Variants in TOPBP1 observed in about 807,000 individuals in gnomAD.
The protein encoded by TOPBP1 is DNA topoisomerase 2-binding protein 1.
In TOPBP1, 28 loss-of-function variants were observed where a neutral mutation model predicts 167.7. The ratio of observed to expected loss-of-function variants is 0.17; its 90% CI spans 0.12 to 0.23. The LOEUF (loss-of-function observed/expected upper bound fraction) is 0.23. Ranked by LOEUF, TOPBP1 falls within the 10% of genes least tolerant of loss-of-function variation. The pLI, the probability that TOPBP1 is intolerant of heterozygous loss-of-function variation, is 1.00. For missense variants in TOPBP1, 1,554 were observed against 1,809.6 expected, an observed-to-expected ratio of 0.86 and a Z score of 2.56; for synonymous variants, 598 against 611.4, an observed-to-expected ratio of 0.98 and a Z score of 0.32.
intron 27 of TOPBP1, among the ~76,000 whole-genome samples, chr3:133,607,789 A>C (rs1419825762): frequency 6.6e-6 from 1 of 152,216 alleles, no homozygotes; most frequent in African/African-American, 2.4e-5. Context: ...GTTGAGTGAA[A>C]ACCTTAGATA....
chr3:133,636,361 G>A (rs1381279647), intron 14 of TOPBP1, among the ~76,000 whole-genome samples: 1 of 150,966 alleles, frequency 6.6e-6, no homozygotes, highest in African/African-American at 2.4e-5. Context: ...TTTAAGTAAA[G>A]AATTCAACAT....
chr3:133,608,810 C>A, intron 26 of TOPBP1, 63 bp downstream of exon 26: 1 of 1,571,636 alleles, frequency 6.4e-7, no homozygotes, highest in Non-Finnish European at 8.6e-7. Flanking sequence ...AAGAACTCAT[C>A]ATAGCAATCT....
intron 16 of TOPBP1, among the ~76,000 whole-genome samples, chr3:133,625,994 C>G (rs2107791260): frequency 6.6e-6 from 1 of 152,236 alleles, no homozygotes; most frequent in South Asian, 2.1e-4. Flanking sequence ...ATATGGAAAC[C>G]ATGAGTTTCA....
Position 133,601,311 on chromosome 3 carries a change from A to G in TOPBP1, c.4508T>C (p.Leu1503Ser). ...TGTAGGAGCTTTCCTCTTTTGTGAT[A>G]ATCCAGTCCCAAGTTCCTTATTATT... ...IQNNKELGTG[L>S]SQKRKAPTEK... The change falls in exon 28 of 28, where the codon TTA becomes TCA. Residue 1503 changes from leucine to serine, a missense_variant. Coordinates refer to ENST00000260810, the MANE Select transcript of TOPBP1 (RefSeq NM_007027.4). 1 of 1,606,614 alleles carries G rather than the reference A, an allele frequency of 6.2e-7. No individual in the cohort carries two copies. Among genetic ancestry groups the G allele is most frequent in the Non-Finnish European group, 8.5e-7 (1 of 1,176,886 alleles).
intron 8 of TOPBP1, among the ~76,000 whole-genome samples, chr3:133,651,590 T>C (rs1312588665): frequency 6.6e-6 from 1 of 152,228 alleles, no homozygotes; most frequent in Non-Finnish European, 1.5e-5. Context: ...ACATTAAGTA[T>C]TCCAATCTAA....
chr3:133,649,287 T>C (rs1445557167), intron 10 of TOPBP1, 96 bp downstream of exon 10: 1 of 1,441,044 alleles, frequency 6.9e-7, no homozygotes, highest in Admixed American at 2.7e-5. Flanking sequence ...TTAATTTAAC[T>C]TAAAATCTAG....
At chr3:133,625,275 A>C (rs1353153104) in intron 16 of TOPBP1, among the ~76,000 whole-genome samples, 1 of 152,204 alleles carries the variant, frequency 6.6e-6, no homozygotes, top group African/African-American at 2.4e-5. Flanking sequence ...GCTATTCAAT[A>C]TTCTCTTGAC....
At chr3:133,610,980 A>C in intron 25 of TOPBP1, 24 bp downstream of exon 25, 1 of 1,592,992 alleles carries the variant, frequency 6.3e-7, no homozygotes, top group Non-Finnish European at 8.6e-7. Flanking sequence ...TATTTGTATT[A>C]CCTATATAAT....
intron 21 of TOPBP1, chr3:133,617,642 T>A (rs73861160): frequency 0.012 from 2,389 of 198,874 alleles, 70 homozygotes; most frequent in African/African-American, 0.052. Context: ...ATTTGTAACA[T>A]GAGAGCAATT....
At chr3:133,655,863 G>C (rs1936462006) in intron 5 of TOPBP1, among the ~76,000 whole-genome samples, 1 of 152,010 alleles carries the variant, frequency 6.6e-6, no homozygotes, top group African/African-American at 2.4e-5. Context: ...TTCTATACAA[G>C]TAAAAGCAAT....
chr3:133,623,084 AT>A lies in TOPBP1; in HGVS notation c.3178+6del. 6.6e-7 allele frequency: 1 copy of A among 1,515,192 alleles called. No homozygotes were observed. Among genetic ancestry groups the A allele is most frequent in the Non-Finnish European group, 8.8e-7 (1 of 1,131,230 alleles). 93.9% of individuals were successfully genotyped at this position (1,515,192 alleles called of 1,614,324 possible). ...AATTTTTTTAATTAAAAAATAAAAT[AT>A]TTTACCTCCTTTAGAGTCATTCTTT... On this transcript the variant is annotated splice_donor_region_variant and intron_variant, in intron 19 of 27. Transcript: ENST00000260810.
At chr3:133,607,042 G>A (rs1456714528) in intron 27 of TOPBP1, among the ~76,000 whole-genome samples, 3 of 152,094 alleles carry the variant, frequency 2.0e-5, no homozygotes, top group African/African-American at 7.2e-5. Context: ...ATTACAATGT[G>A]CTCCCACTAT....
chr3:133,645,896 C>T (rs918492890), intron 10 of TOPBP1, among the ~76,000 whole-genome samples: 39 of 152,248 alleles, frequency 2.6e-4, no homozygotes, highest in African/African-American at 9.1e-4. Flanking sequence ...TGCCTGTAAT[C>T]CCAGCACTTT....
At chr3:133,618,510 A>G in intron 20 of TOPBP1, 77 bp from the exon 21 acceptor site, 2 of 1,421,022 alleles carry the variant, frequency 1.4e-6, no homozygotes, top group Non-Finnish European at 9.7e-7. Context: ...TTAGACCATA[A>G]AAGTTGTGGC....
In TOPBP1 at chr3:133,644,378, T is replaced by C; in HGVS notation, c.1505-15A>G. The C allele has an allele frequency of 6.5e-7, 1 of 1,534,572 alleles. No individual in the cohort carries two copies. The highest frequency in any genetic ancestry group is 8.7e-7 in the Non-Finnish European group (1 of 1,143,752). On this transcript the variant is annotated splice_polypyrimidine_tract_variant and intron_variant, in intron 10 of 27. Transcript: ENST00000260810. ...CTTAGCCTCAACTGAAAGAGAAAAG[T>C]AAATGTTTTCTAACCAACAATTTAC...
intron 23 of TOPBP1, among the ~76,000 whole-genome samples, chr3:133,614,329 A>T (rs963384099): frequency 5.9e-5 from 9 of 152,302 alleles, no homozygotes; most frequent in African/African-American, 2.2e-4. Context: ...AGAGTGACAA[A>T]AAGACAAGAA....
chr3:133,628,895 T>C (rs1935367491), intron 14 of TOPBP1, among the ~76,000 whole-genome samples, 162 bp from the exon 15 acceptor site: 1 of 152,118 alleles, frequency 6.6e-6, no homozygotes, highest in African/African-American at 2.4e-5. Context: ...CTTCCTCTAG[T>C]TTTCCTCCAA....
In TOPBP1 at chr3:133,659,003, G is replaced by T; in HGVS notation, c.219+13C>A. On this transcript the variant is annotated intron_variant, in intron 3 of 27. Coordinates refer to ENST00000260810, the MANE Select transcript of TOPBP1 (RefSeq NM_007027.4). ...AATAGACTACCAAAGGTACACACTA[G>T]AAGTCAGCAAACCTTTTTGAGGTGA... is the stretch of plus-strand genomic sequence containing the variant. 6.3e-7 allele frequency: 1 copy of T among 1,590,052 alleles called. No homozygotes were observed. Among genetic ancestry groups the T allele is most frequent in the East Asian group, 2.2e-5 (1 of 44,510 alleles).
chr3:133,604,541 T>C (rs745665359), intron 27 of TOPBP1, among the ~76,000 whole-genome samples: 15 of 151,972 alleles, frequency 9.9e-5, no homozygotes, highest in Non-Finnish European at 1.8e-4. Context: ...AAAACACCAG[T>C]TATTAAAAAC....
Sources: allele counts gnomAD v4.1 joint callset (sites outside exome capture counted in the v4.1 genomes callset), GRCh38; gene constraint gnomAD v4.1.1; transcripts MANE v1.5; gene names NCBI Gene and HGNC (gene_info 2026-07-23, HGNC 2026-07-21).